ADCY9: variants seen among roughly 807,000 people sequenced by gnomAD.
ADCY9 encodes adenylate cyclase type 9.
A neutral mutation model predicts 101.5 loss-of-function variants in ADCY9; 50 were observed. The observed-to-expected ratio is 0.49, with a 90% CI of 0.39 to 0.62. ADCY9 has a LOEUF of 0.62. Among genes scored for constraint, ADCY9 ranks in the 20% least tolerant of loss-of-function variants. ADCY9 has a pLI of 0.00. For synonymous variants in ADCY9, 905 were observed against 769.3 expected, an observed-to-expected ratio of 1.18 and a Z score of -2.92; for missense variants, 1,662 against 1,800.4, an observed-to-expected ratio of 0.92 and a Z score of 1.39.
chr16:4,052,688 G>T (rs75148991), intron 2 of ADCY9, among the ~76,000 whole-genome samples: 2 of 152,102 alleles, frequency 1.3e-5, no homozygotes, highest in African/African-American at 4.8e-5. Flanking sequence ...ATCAACTAGC[G>T]TGTAACTCTG....
At chr16:3,954,474 C>A (rs1435902792) in intron 5 of ADCY9, among the ~76,000 whole-genome samples, 1 of 152,188 alleles carries the variant, frequency 6.6e-6, no homozygotes, top group African/African-American at 2.4e-5. Context: ...TCCCAGCTCG[C>A]AGCTCGGGCA....
intron 5 of ADCY9, among the ~76,000 whole-genome samples, chr16:3,990,830 G>C (rs943490728): frequency 6.6e-6 from 1 of 152,152 alleles, no homozygotes; most frequent in African/African-American, 2.4e-5. Flanking sequence ...ATGGAGACTC[G>C]CTCTGTTGCC....
intron 6 of ADCY9, among the ~76,000 whole-genome samples, chr16:3,988,127 G>A (rs748146914): frequency 9.2e-5 from 14 of 152,234 alleles, no homozygotes; most frequent in Non-Finnish European, 1.3e-4. Context: ...AACCACACAC[G>A]GAAAGATTCC....
intron 2 of ADCY9, among the ~76,000 whole-genome samples, chr16:4,071,348 A>C: frequency 6.7e-6 from 1 of 149,984 alleles, no homozygotes. Flanking sequence ...AAAAAAAAAA[A>C]AAAAAAAAAA....
intron 2 of ADCY9, chr16:4,032,700 G>C (rs1394555163): frequency 6.6e-6 from 1 of 151,958 alleles, no homozygotes; most frequent in East Asian, 1.9e-4. Flanking sequence ...TAGTACAGGT[G>C]AGGTTTCACC....
At chr16:4,042,767 G>C (rs768521933) in intron 2 of ADCY9, among the ~76,000 whole-genome samples, 6 of 152,234 alleles carry the variant, frequency 3.9e-5, no homozygotes, top group Non-Finnish European at 8.8e-5. Flanking sequence ...TGTGTTCCAA[G>C]AGGTTTTTAT....
intron 2 of ADCY9, among the ~76,000 whole-genome samples, chr16:4,095,006 A>C (rs59745159): frequency 9.5e-6 from 1 of 104,920 alleles, no homozygotes; most frequent in Non-Finnish European, 1.8e-5. Flanking sequence ...GATGACATTT[A>C]ATTTTTTTTT....
At chr16:4,053,467 T>G (rs1233735954) in intron 2 of ADCY9, among the ~76,000 whole-genome samples, 2 of 151,228 alleles carry the variant, frequency 1.3e-5, no homozygotes, top group South Asian at 2.1e-4. Context: ...CCCAGAGCAC[T>G]TGCCCTTCCT....
intron 3 of ADCY9, among the ~76,000 whole-genome samples, chr16:3,997,475 C>T (rs1597154295): frequency 6.6e-6 from 1 of 152,200 alleles, no homozygotes; most frequent in South Asian, 2.1e-4. Flanking sequence ...GAACAGAGGC[C>T]GAGGCCTGCA....
At chr16:4,057,932 G>A (rs1004406287) in intron 2 of ADCY9, among the ~76,000 whole-genome samples, 4 of 151,308 alleles carry the variant, frequency 2.6e-5, no homozygotes, top group African/African-American at 9.7e-5. Context: ...GCCAAGGTGG[G>A]CAGATCGCTT....
At chr16:3,978,232 C>T (rs1021720646) in intron 8 of ADCY9, among the ~76,000 whole-genome samples, 1 of 152,172 alleles carries the variant, frequency 6.6e-6, no homozygotes, top group African/African-American at 2.4e-5. Flanking sequence ...AGGGAGGCCT[C>T]CCTGTTTGAG....
chr16:4,033,936 G>A (rs565732877), intron 2 of ADCY9, among the ~76,000 whole-genome samples: 4 of 152,188 alleles, frequency 2.6e-5, no homozygotes, highest in South Asian at 4.1e-4. Context: ...TATTAGCACC[G>A]ATGCTGGCCT....
At chr16:4,006,614 G>A (rs1295411842) in intron 3 of ADCY9, among the ~76,000 whole-genome samples, 1 of 152,184 alleles carries the variant, frequency 6.6e-6, no homozygotes, top group Non-Finnish European at 1.5e-5. Flanking sequence ...AGCAGCATAG[G>A]AGAGCTGTTT....
intron 2 of ADCY9, among the ~76,000 whole-genome samples, chr16:4,036,503 C>T (rs1451117485): frequency 1.5e-5 from 2 of 133,958 alleles, no homozygotes; most frequent in Non-Finnish European, 3.1e-5. Flanking sequence ...CGCTCTGTCA[C>T]CCAGGCTGGA....
intron 10 of ADCY9, among the ~76,000 whole-genome samples, chr16:3,971,165 G>T (rs905420595): frequency 6.6e-6 from 1 of 152,060 alleles, no homozygotes; most frequent in Non-Finnish European, 1.5e-5. Context: ...CCTGGACACC[G>T]AGACTTTAAT....
At chr16:3,989,363 G>T (rs2056225049) in intron 5 of ADCY9, among the ~76,000 whole-genome samples, 1 of 145,094 alleles carries the variant, frequency 6.9e-6, no homozygotes, top group South Asian at 2.2e-4. Context: ...CACATCATCA[G>T]AACCTTGGTT....
intron 2 of ADCY9, among the ~76,000 whole-genome samples, chr16:4,033,306 T>A (rs891371701): frequency 6.6e-5 from 10 of 152,162 alleles, no homozygotes; most frequent in Admixed American, 6.6e-4. Context: ...TAATTCCAAA[T>A]GAGTTGCTTC....
At chr16:3,974,544 A>C in intron 10 of ADCY9, 125 bp downstream of exon 10, 2 of 714,266 alleles carry the variant, frequency 2.8e-6, no homozygotes, top group Admixed American at 2.6e-5. Context: ...TCCACTTTCT[A>C]TTCTAAGAAT....
rs1597191091 is a variant in ADCY9 at position 4,048,727 on chromosome 16, G to C, written c.1694-41169C>G. Among the ~76,000 whole-genome samples, 3 of 152,260 alleles carry C rather than the reference G, an allele frequency of 2.0e-5. No homozygotes were observed. The South Asian group carries it at 6.2e-4, about 32-fold the overall frequency. On this transcript the variant is annotated intron_variant, in intron 2 of 10. Coordinates refer to ENST00000294016, the MANE Select transcript of ADCY9 (RefSeq NM_001116.4). ...TTTCTGCCCTTGCTGGATAAGCTCA[G>C]TGTCTCACACAGCGTGAGCGTCCAC...
Sources: allele counts gnomAD v4.1 joint callset (sites outside exome capture counted in the v4.1 genomes callset), GRCh38; gene constraint gnomAD v4.1.1; transcripts MANE v1.5; gene names NCBI Gene and HGNC (gene_info 2026-07-23, HGNC 2026-07-21).